The following PDE4D variants were observed in gnomAD, a reference collection of about 807,000 sequenced individuals.
PDE4D encodes phosphodiesterase 4D.
A neutral mutation model predicts 87.4 loss-of-function variants in PDE4D; 24 were observed. The ratio of observed to expected loss-of-function variants is 0.27; its 90% CI spans 0.20 to 0.39. The LOEUF is 0.39. Ranked by LOEUF, PDE4D falls within the 10% of genes least tolerant of loss-of-function variation. The probability of loss-of-function intolerance (pLI) is 1.00; values close to 1 mark genes in which losing one functional copy is unlikely to be tolerated. For synonymous variants in PDE4D, 384 were observed against 383.2 expected, an observed-to-expected ratio of 1.00 and a Z score of -0.02; for missense variants, 714 against 1,041.0, an observed-to-expected ratio of 0.69 and a Z score of 4.32.
intron 1 of PDE4D, among the ~76,000 whole-genome samples, chr5:59,713,414 C>T (rs1754501542): frequency 6.6e-6 from 1 of 152,160 alleles, no homozygotes; most frequent in South Asian, 2.1e-4. Context: ...CCACTATTGT[C>T]TGTAAAAGGT....
At position 59,475,629 on chromosome 5, in the gene PDE4D, T is replaced by C. The variant is rs565067871; in HGVS notation, c.456-259661A>G. On this transcript the variant is annotated intron_variant, in intron 1 of 14. Transcript: ENST00000340635. ...AAGGGGCTGGGGGCTCTCAGTTTTTTACCCTATCCCTAAGGTCCATTCTTG... is the reference window on the plus strand; with the variant it reads ...AAGGGGCTGGGGGCTCTCAGTTTTTCACCCTATCCCTAAGGTCCATTCTTG... 3.9e-5 allele frequency among the ~76,000 whole-genome samples: 6 copies of C among 152,218 alleles called. No homozygotes were observed. In the South Asian group the frequency reaches 1.0e-3, roughly 26 times the overall value.
intron 2 of PDE4D, chr5:60,031,124 TAGTC>T (rs1457544332): frequency 2.6e-5 from 4 of 152,362 alleles, no homozygotes; most frequent in African/African-American, 9.6e-5. Context: ...TATTTTCTGT[TAGTC>T]AGAGATATGA....
chr5:59,685,500 T>C (rs538082296), intron 1 of PDE4D, among the ~76,000 whole-genome samples: 3 of 152,312 alleles, frequency 2.0e-5, no homozygotes, highest in African/African-American at 7.2e-5. Context: ...AATCTAATCA[T>C]GAAACACCTG....
At chr5:59,732,852 A>C (rs1255991383) in intron 1 of PDE4D, among the ~76,000 whole-genome samples, 1 of 152,152 alleles carries the variant, frequency 6.6e-6, no homozygotes, top group Non-Finnish European at 1.5e-5. Context: ...GTAAGTTGTG[A>C]ATAATAACCC....
intron 1 of PDE4D, among the ~76,000 whole-genome samples, chr5:60,266,425 G>C (rs1204671761): frequency 1.3e-5 from 2 of 152,118 alleles, no homozygotes; most frequent in Non-Finnish European, 2.9e-5. Flanking sequence ...AGAAAAGATT[G>C]GGTTCCAAAT....
intron 1 of PDE4D, among the ~76,000 whole-genome samples, chr5:59,671,017 A>G (rs151205845): frequency 6.6e-6 from 1 of 152,144 alleles, no homozygotes; most frequent in Non-Finnish European, 1.5e-5. Context: ...ATACCCACAC[A>G]CTTTCAACAC....
chr5:59,209,435 C>G (rs1320624431), intron 2 of PDE4D, among the ~76,000 whole-genome samples: 3 of 152,200 alleles, frequency 2.0e-5, no homozygotes, highest in Non-Finnish European at 4.4e-5. Context: ...ATCTGCCTGC[C>G]TTGGCCTCCC....
intron 1 of PDE4D, among the ~76,000 whole-genome samples, chr5:59,675,991 CA>C (rs1021308116): frequency 1.3e-5 from 2 of 151,852 alleles, no homozygotes; most frequent in Non-Finnish European, 2.9e-5. Context: ...CACACTCAAC[CA>C]AAAAATATAG....
chr5:60,149,169 C>T (rs995242736), intron 2 of PDE4D, among the ~76,000 whole-genome samples: 11 of 152,084 alleles, frequency 7.2e-5, no homozygotes, highest in Admixed American at 2.0e-4. Context: ...TGTCTTAGTC[C>T]ACTTTCTGTT....
rs149942284 is a variant in PDE4D, at chr5:59,213,577, C to T, written c.647+2200G>A. Among the ~76,000 whole-genome samples, 15 of 152,118 alleles carry T rather than the reference C, an allele frequency of 9.9e-5. No individual in the cohort carries two copies. The East Asian group carries it at 2.1e-3, about 22-fold the overall frequency. ...AAGTAACCTGAATTCAAAAAAATTC[C>T]GCTTGAACCTAATTCTCTGTCAGGC... is the stretch of plus-strand genomic sequence containing the variant. On this transcript the variant is annotated intron_variant, in intron 2 of 14. Coordinates refer to ENST00000340635, the MANE Select transcript of PDE4D (RefSeq NM_001104631.2).
At chr5:58,977,123 G>A in intron 12 of PDE4D, 68 bp downstream of exon 12, 1 of 1,423,028 alleles carries the variant, frequency 7.0e-7, no homozygotes, top group Non-Finnish European at 9.6e-7. Flanking sequence ...TACTCATCTT[G>A]TTCTTATGTC....
chr5:60,455,369 A>G (rs1219363253), intron 1 of PDE4D, among the ~76,000 whole-genome samples: 3 of 152,174 alleles, frequency 2.0e-5, no homozygotes, highest in African/African-American at 7.2e-5. Context: ...TATAGTAGGC[A>G]ATAATATACC....
At chr5:60,284,646 C>T (rs1175733321) in intron 1 of PDE4D, among the ~76,000 whole-genome samples, 1 of 152,168 alleles carries the variant, frequency 6.6e-6, no homozygotes, top group Non-Finnish European at 1.5e-5. Flanking sequence ...GCCTCCCCAT[C>T]ACTATTAGAT....
chr5:59,704,708 C>T (rs1038379063), intron 1 of PDE4D, among the ~76,000 whole-genome samples: 3 of 152,148 alleles, frequency 2.0e-5, no homozygotes, highest in African/African-American at 4.8e-5. Flanking sequence ...CAGCAATAAA[C>T]ATTTACATCG....
chr5:59,149,717 T>G (rs1045546334), intron 5 of PDE4D, among the ~76,000 whole-genome samples: 8 of 147,864 alleles, frequency 5.4e-5, no homozygotes, highest in African/African-American at 2.0e-4. Context: ...TTTTTTTTTT[T>G]TTTTTTTTTT....
In PDE4D at chr5:59,016,181, A is replaced by G. The variant is rs370589819; in HGVS notation, c.921+22678T>C. Among the ~76,000 whole-genome samples the G allele has an allele frequency of 2.9e-4, 44 of 152,224 alleles. 1 individual carries two copies. In the East Asian group the frequency reaches 6.2e-3, roughly 21 times the overall value. ...TTAGGAGATATACCTAATGTAAATG[A>G]CGAGTTAATGGGTGCAGCACACCAA... On this transcript the variant is annotated intron_variant, in intron 6 of 14. Coordinates refer to ENST00000340635, the MANE Select transcript of PDE4D (RefSeq NM_001104631.2).
At chr5:59,367,245 A>G (rs965161977) in intron 1 of PDE4D, among the ~76,000 whole-genome samples, 5 of 152,240 alleles carry the variant, frequency 3.3e-5, no homozygotes, top group African/African-American at 1.2e-4. Flanking sequence ...TTTGTTTAAA[A>G]GCATATTATA....
intron 1 of PDE4D, among the ~76,000 whole-genome samples, chr5:59,493,738 G>T (rs1040959187): frequency 6.6e-6 from 1 of 152,182 alleles, no homozygotes; most frequent in Admixed American, 6.5e-5. Context: ...AATGAATAAC[G>T]AGAGAGATGT....
intron 1 of PDE4D, among the ~76,000 whole-genome samples, chr5:59,313,760 G>T (rs1394431265): frequency 6.6e-6 from 1 of 152,080 alleles, no homozygotes; most frequent in African/African-American, 2.4e-5. Flanking sequence ...CAACCAACTT[G>T]TGTACCCACC....
Sources: allele counts gnomAD v4.1 joint callset (sites outside exome capture counted in the v4.1 genomes callset), GRCh38; gene constraint gnomAD v4.1.1; transcripts MANE v1.5; gene names NCBI Gene and HGNC (gene_info 2026-07-23, HGNC 2026-07-21).